The following NRXN3 variants were observed in gnomAD, a reference collection of about 807,000 sequenced individuals.
NRXN3 encodes neurexin 3, also known as neurexin III.
Under a neutral mutation model 137.6 loss-of-function variants are expected in NRXN3, and 32 were observed. That is an observed-to-expected ratio of 0.23 (90% CI 0.18 to 0.31). The LOEUF (loss-of-function observed/expected upper bound fraction) is 0.31, where lower values mean the gene tolerates loss of function less well. Among genes scored for constraint, NRXN3 ranks in the 10% least tolerant of loss-of-function variants. The pLI, the probability that NRXN3 is intolerant of heterozygous loss-of-function variation, is 1.00. For missense variants in NRXN3, 1,574 were observed against 2,062.5 expected, an observed-to-expected ratio of 0.76 and a Z score of 4.59; for synonymous variants, 798 against 784.5, an observed-to-expected ratio of 1.02 and a Z score of -0.29.
intron 6 of NRXN3, among the ~76,000 whole-genome samples, chr14:78,665,795 G>A (rs1602117689): frequency 2.6e-5 from 4 of 152,210 alleles, no homozygotes; most frequent in South Asian, 4.1e-4. Context: ...CCATGGCTCA[G>A]TGAGAGAGGT....
chr14:78,441,458 A>G (rs145478866), intron 4 of NRXN3, among the ~76,000 whole-genome samples: 2 of 152,276 alleles, frequency 1.3e-5, no homozygotes, highest in African/African-American at 4.8e-5. Context: ...TGTCCTTCCC[A>G]GAAGACTTGA....
At chr14:78,523,571 G>A (rs1463010706) in intron 4 of NRXN3, among the ~76,000 whole-genome samples, 7 of 150,680 alleles carry the variant, frequency 4.6e-5, no homozygotes, top group Non-Finnish European at 7.4e-5. Flanking sequence ...AGGCCAAGGC[G>A]GGCGGATCAC....
intron 6 of NRXN3, among the ~76,000 whole-genome samples, chr14:78,669,913 A>G (rs56830762): frequency 6.6e-6 from 1 of 152,112 alleles, no homozygotes; most frequent in East Asian, 1.9e-4. Flanking sequence ...CAGAACGTAC[A>G]GTTTTGTTAC....
chr14:79,424,748 G>A (rs570289516), intron 15 of NRXN3, among the ~76,000 whole-genome samples: 2 of 152,264 alleles, frequency 1.3e-5, no homozygotes, highest in South Asian at 4.2e-4. Context: ...TTACAAAGGG[G>A]TATGTAAAAA....
intron 16 of NRXN3, among the ~76,000 whole-genome samples, chr14:79,638,024 C>T (rs967762495): frequency 7.9e-5 from 12 of 152,070 alleles, no homozygotes; most frequent in African/African-American, 2.9e-4. Context: ...GCCACCGTGC[C>T]TGGCCTTATA....
rs143123091 is a variant in NRXN3 at position 79,648,041 on chromosome 14, G to A, written c.3445-15737G>A. 7.6e-4 allele frequency among the ~76,000 whole-genome samples: 103 copies of A among 135,028 alleles called. 8 individuals carry two copies. The East Asian group carries it at 0.018, about 24-fold the overall frequency. The allele number at this position is 135,028 out of a possible 152,430, so 88.6% of individuals were successfully genotyped here. A position where few individuals can be genotyped will look rare whatever the true frequency, so the allele number is the denominator to read the frequency against. ...CAAGAGACAGACAAGTTATTTGAACGGAATGAAGTATAAGAAAACCTGTGC... is the reference window on the plus strand; with the variant it reads ...CAAGAGACAGACAAGTTATTTGAACAGAATGAAGTATAAGAAAACCTGTGC... On this transcript the variant is annotated intron_variant, in intron 16 of 20. Coordinates refer to ENST00000335750, the MANE Select transcript of NRXN3 (RefSeq NM_001330195.2).
At chr14:79,269,613 C>T (rs933675884) in intron 15 of NRXN3, among the ~76,000 whole-genome samples, 7 of 152,106 alleles carry the variant, frequency 4.6e-5, no homozygotes, top group Admixed American at 1.3e-4. Flanking sequence ...TCAGGCTACA[C>T]GTCTTTATTT....
rs1172652575 is a variant in NRXN3 at position 78,966,158 on chromosome 14, T to C, written c.2529T>C (p.Leu843=). The C allele has an allele frequency of 6.2e-7, 1 of 1,614,212 alleles. No individual in the cohort carries two copies. The highest frequency in any genetic ancestry group is 1.7e-5 in the Admixed American group (1 of 60,020). Residue 843 remains leucine (L), a synonymous_variant, in exon 12 of 21, where the codon CTT becomes CTC. Transcript: ENST00000335750. ...GHLQSLMFNG[L]LYIDLCKNGD... ...TGCAGAGCCTCATGTTTAATGGCCT[T>C]CTCTACATTGACTTGTGCAAAAATG...
intron 4 of NRXN3, among the ~76,000 whole-genome samples, chr14:78,541,198 C>G (rs896089578): frequency 1.3e-5 from 2 of 152,176 alleles, no homozygotes; most frequent in African/African-American, 4.8e-5. Context: ...GGATAATATC[C>G]TGAAGAGTGT....
At chr14:79,732,208 G>A (rs1309390128) in intron 19 of NRXN3, among the ~76,000 whole-genome samples, 2 of 152,000 alleles carry the variant, frequency 1.3e-5, no homozygotes, top group African/African-American at 4.8e-5. Flanking sequence ...TTACTGTAAT[G>A]AATCTATTCT....
intron 19 of NRXN3, among the ~76,000 whole-genome samples, chr14:79,772,758 A>G (rs1411673106): frequency 1.4e-5 from 2 of 146,796 alleles, no homozygotes; most frequent in Non-Finnish European, 2.9e-5. Flanking sequence ...AATGGCAACC[A>G]AAGCCAAAAT....
chr14:79,396,917 C>G (rs1250894731), intron 15 of NRXN3, among the ~76,000 whole-genome samples: 2 of 152,090 alleles, frequency 1.3e-5, no homozygotes, highest in Non-Finnish European at 2.9e-5. Context: ...ACTTTATTTT[C>G]CCACTGAAGA....
intron 15 of NRXN3, among the ~76,000 whole-genome samples, chr14:79,171,262 T>C (rs2061749364): frequency 6.6e-6 from 1 of 152,096 alleles, no homozygotes; most frequent in South Asian, 2.1e-4. Context: ...TGAAGAGCAT[T>C]TGCTCTTCCT....
chr14:79,821,087 A>G (rs997173253), intron 20 of NRXN3, among the ~76,000 whole-genome samples: 4 of 152,216 alleles, frequency 2.6e-5, no homozygotes, highest in Admixed American at 2.0e-4. Context: ...GCACGGGGTC[A>G]TCTTCTAAAA....
intron 14 of NRXN3, among the ~76,000 whole-genome samples, chr14:78,979,276 C>T (rs1247321088): frequency 6.6e-6 from 1 of 152,116 alleles, no homozygotes; most frequent in Non-Finnish European, 1.5e-5. Context: ...AATTAACCAT[C>T]ACATTCTCCT....
At chr14:79,666,001 G>A (rs749881492) in intron 17 of NRXN3, among the ~76,000 whole-genome samples, 1 of 152,054 alleles carries the variant, frequency 6.6e-6, no homozygotes, top group Non-Finnish European at 1.5e-5. Flanking sequence ...GGCTAGAGTT[G>A]GGATCTTGGT....
chr14:79,813,917 A>G (rs902039576), intron 20 of NRXN3, among the ~76,000 whole-genome samples: 1 of 152,238 alleles, frequency 6.6e-6, no homozygotes, highest in Non-Finnish European at 1.5e-5. Flanking sequence ...AAAGAATTTT[A>G]TTGCAGATAT....
chr14:79,347,329 T>C (rs17513567), intron 15 of NRXN3, among the ~76,000 whole-genome samples: 1 of 152,030 alleles, frequency 6.6e-6, no homozygotes, highest in Admixed American at 6.6e-5. Context: ...TTCAGAAAGA[T>C]CTCATTAAAC....
intron 4 of NRXN3, among the ~76,000 whole-genome samples, chr14:78,316,624 T>A (rs1479916101): frequency 6.6e-6 from 1 of 152,220 alleles, no homozygotes; most frequent in African/African-American, 2.4e-5. Context: ...ATTCCCTTTC[T>A]TCCCAGCAGA....
Sources: gnomAD v4.1 joint callset for allele counts (sites outside exome capture counted in the v4.1 genomes callset) on GRCh38, gnomAD v4.1.1 for gene constraint, MANE v1.5 for transcripts, NCBI Gene and HGNC (gene_info 2026-07-23, HGNC 2026-07-21) for gene names.